The following ALG9 variants were observed in gnomAD, a reference collection of about 807,000 sequenced individuals.
The protein encoded by ALG9 is ALG9 alpha-1,2-mannosyltransferase.
Under a neutral mutation model 81.8 loss-of-function variants are expected in ALG9, and 55 were observed. The observed-to-expected ratio is 0.67, with a 90% CI of 0.54 to 0.84. ALG9 has a LOEUF of 0.84. Among genes scored for constraint, ALG9 ranks in the 40% least tolerant of loss-of-function variants. The probability of loss-of-function intolerance (pLI) is 0.00; values close to 1 mark genes in which losing one functional copy is unlikely to be tolerated. For missense variants in ALG9, 629 were observed against 745.0 expected, an observed-to-expected ratio of 0.84 and a Z score of 1.81; for synonymous variants, 278 against 274.3, an observed-to-expected ratio of 1.01 and a Z score of -0.13.
intron 10 of ALG9, among the ~76,000 whole-genome samples, chr11:111,840,178 C>A (rs188044107): frequency 6.6e-6 from 1 of 152,074 alleles, no homozygotes. Flanking sequence ...GAGGGCAATA[C>A]AGGGTTCTGA....
At chr11:111,851,634 A>G (rs1460760509) in intron 8 of ALG9, among the ~76,000 whole-genome samples, 1 of 152,246 alleles carries the variant, frequency 6.6e-6, no homozygotes, top group Non-Finnish European at 1.5e-5. Context: ...CAAAATTAAC[A>G]CAAATTAACT....
Position 111,853,424 on chromosome 11 carries a change from A to G in ALG9, c.851T>C (p.Ile284Thr), listed in dbSNP as rs1555140605. 1 of 1,614,110 alleles carries G rather than the reference A, an allele frequency of 6.2e-7. No individual in the cohort carries two copies. Among genetic ancestry groups the G allele is most frequent in the Admixed American group, 1.7e-5 (1 of 60,018 alleles). The change falls in exon 8 of 15, where the codon ATT (isoleucine) becomes ACT (threonine). Residue 284 changes from isoleucine (I) to threonine (T), a missense_variant. Around this residue, in one of 3 missense-constraint regions of ALG9, gnomAD observed 344 missense variants for 390.5 expected, o/e 0.88. Transcript: ENST00000616540. ...YGKLVIAPLN[I>T]VLYNVFTPHG... Reference sequence around the variant, plus strand: ...AGGAGTAAAGACATTATACAAAACAATGTTGAGTGGTGCAATCACCAACTT... The same window carrying G: ...AGGAGTAAAGACATTATACAAAACAGTGTTGAGTGGTGCAATCACCAACTT...
chr11:111,870,208 G>A (rs782783731), intron 2 of ALG9, 24 bp downstream of exon 2: 4 of 1,603,704 alleles, frequency 2.5e-6, no homozygotes, highest in Non-Finnish European at 3.4e-6. Flanking sequence ...AGAACAAAAA[G>A]AGAAAACTAA....
Position 111,844,591 on chromosome 11 carries a change from T to C in ALG9, c.1018+10A>G. On this transcript the variant is annotated intron_variant, in intron 9 of 14. Transcript: ENST00000616540. ...CTCCCAAAACACCTACCATCTCTTA[T>C]GCCACTCACCATGAAATCTCTGCAG... The C allele has an allele frequency of 1.9e-6, 3 of 1,613,968 alleles. No individual in the cohort carries two copies. Among genetic ancestry groups the C allele is most frequent in the Non-Finnish European group, 2.5e-6 (3 of 1,179,934 alleles).
At chr11:111,815,775 T>C (rs1369186919) in intron 13 of ALG9, among the ~76,000 whole-genome samples, 1 of 152,236 alleles carries the variant, frequency 6.6e-6, no homozygotes, top group Non-Finnish European at 1.5e-5. Flanking sequence ...ATGATTCATT[T>C]AAATAAAACT....
At chr11:111,829,626 G>T (rs229284) in intron 13 of ALG9, among the ~76,000 whole-genome samples, 1 of 152,162 alleles carries the variant, frequency 6.6e-6, no homozygotes. Context: ...GGAAATAGAA[G>T]GCCTGAAACA....
chr11:111,803,317 C>T (rs1949412839), intron 14 of ALG9, among the ~76,000 whole-genome samples: 1 of 151,960 alleles, frequency 6.6e-6, no homozygotes, highest in Admixed American at 6.6e-5. Flanking sequence ...GCCTGGCCAA[C>T]ATTGTGAAAC....
At chr11:111,816,330 G>A (rs1196637543) in intron 13 of ALG9, among the ~76,000 whole-genome samples, 2 of 152,096 alleles carry the variant, frequency 1.3e-5, no homozygotes, top group African/African-American at 4.8e-5. Context: ...CTTTTCTTTT[G>A]CTCACTGCAG....
intron 8 of ALG9, among the ~76,000 whole-genome samples, chr11:111,845,762 C>T (rs1555129071): frequency 1.3e-5 from 2 of 152,160 alleles, no homozygotes; most frequent in African/African-American, 2.4e-5. Flanking sequence ...CTGCAATCAG[C>T]ATTGCTTAAA....
intron 9 of ALG9, among the ~76,000 whole-genome samples, chr11:111,841,527 G>A (rs1272848942): frequency 2.6e-5 from 4 of 152,210 alleles, no homozygotes; most frequent in African/African-American, 4.8e-5. Context: ...GAAAGTTCCC[G>A]TGGTTAGGTA....
intron 4 of ALG9, 94 bp downstream of exon 4, chr11:111,865,087 T>G (rs1566252928): frequency 9.1e-7 from 1 of 1,094,050 alleles, no homozygotes; most frequent in Non-Finnish European, 1.3e-6. Flanking sequence ...AAGAGTTTTC[T>G]ATTTCTAATC....
chr11:111,826,493 A>G (rs2136659916), intron 13 of ALG9, among the ~76,000 whole-genome samples: 1 of 151,374 alleles, frequency 6.6e-6, no homozygotes, highest in East Asian at 1.9e-4. Flanking sequence ...CAACCACTCA[A>G]CTCTTCCAGC....
At chr11:111,810,897 G>C (rs1043009057) in intron 13 of ALG9, among the ~76,000 whole-genome samples, 11 of 152,162 alleles carry the variant, frequency 7.2e-5, no homozygotes, top group Non-Finnish European at 1.5e-4. Flanking sequence ...CTTTTCCTTT[G>C]GGATCCAGAA....
intron 13 of ALG9, among the ~76,000 whole-genome samples, chr11:111,825,172 T>G (rs1356942390): frequency 6.6e-6 from 1 of 152,214 alleles, no homozygotes; most frequent in Non-Finnish European, 1.5e-5. Context: ...AAATTTCTAC[T>G]ATTAACAAGG....
intron 13 of ALG9, among the ~76,000 whole-genome samples, chr11:111,834,275 T>C (rs1555115522): frequency 6.6e-6 from 1 of 152,090 alleles, no homozygotes; most frequent in Non-Finnish European, 1.5e-5. Flanking sequence ...GACACAAGGG[T>C]AGTTCAGGCA....
chr11:111,791,858 A>G (rs1265347184), intron 14 of ALG9, among the ~76,000 whole-genome samples: 1 of 152,208 alleles, frequency 6.6e-6, no homozygotes, highest in Non-Finnish European at 1.5e-5. Flanking sequence ...TTGGGAGGCC[A>G]AGGCGGGTGA....
chr11:111,847,984 A>G (rs1009256892), intron 8 of ALG9, among the ~76,000 whole-genome samples: 40 of 152,332 alleles, frequency 2.6e-4, no homozygotes, highest in African/African-American at 8.9e-4. Flanking sequence ...ATTCTCTGGT[A>G]AAGTCTCAGT....
chr11:111,868,645 G>A lies in ALG9; in HGVS notation c.362C>T (p.Ala121Val). The change falls in exon 3 of 15, where the codon GCC becomes GTC. Residue 121 changes from alanine to valine, a missense_variant. Ala to Val is a moderately conservative substitution (Grantham distance 64). Transcript: ENST00000616540. ...TCTTGCATGAAATGCAGCTGGCCAG[G>A]CATGAAGCAACAGGTAAGCATAGGA... ...IRSYAYLLLHAWPAAFHARIL... is the reference protein window; with the variant it reads ...IRSYAYLLLHVWPAAFHARIL... The A allele has an allele frequency of 2.5e-6, 4 of 1,613,976 alleles. No homozygotes were observed. The highest frequency in any genetic ancestry group is 3.4e-6 in the Non-Finnish European group (4 of 1,179,882).
intron 4 of ALG9, among the ~76,000 whole-genome samples, chr11:111,863,307 G>A (rs1394379139): frequency 1.3e-5 from 2 of 152,012 alleles, no homozygotes; most frequent in East Asian, 1.9e-4. Flanking sequence ...GCAGTGAGCC[G>A]AAATCATGCC....
Sources: allele counts gnomAD v4.1 joint callset (sites outside exome capture counted in the v4.1 genomes callset), GRCh38; gene constraint gnomAD v4.1.1; regional missense constraint gnomAD v4.1.1; transcripts MANE v1.5; gene names NCBI Gene and HGNC (gene_info 2026-07-23, HGNC 2026-07-21).